The following RORB variants were observed in gnomAD, a reference collection of about 807,000 sequenced individuals.
RORB encodes the protein RAR related orphan receptor B, also known as nuclear receptor ROR-beta.
Under a neutral mutation model 59.1 loss-of-function variants are expected in RORB, and 6 were observed. The observed-to-expected ratio is 0.10, with a 90% CI of 0.06 to 0.20. The LOEUF is 0.20. Among genes scored for constraint, RORB ranks in the 10% least tolerant of loss-of-function variants. The pLI is 1.00. For synonymous variants in RORB, 215 were observed against 204.5 expected (o/e 1.05, Z -0.44); for missense variants, 320 against 560.5 (o/e 0.57, Z 4.33).
chr9:74,536,350 AGAG>A (rs1826322305), intron 1 of RORB, among the ~76,000 whole-genome samples: 2 of 151,928 alleles, frequency 1.3e-5, no homozygotes, highest in Non-Finnish European at 2.9e-5. Context: ...AGGTAGTAGA[AGAG>A]GAAGAGGAGA....
chr9:74,665,698 C>A, intron 7 of RORB, 103 bp downstream of exon 7: 1 of 751,554 alleles, frequency 1.3e-6, no homozygotes, highest in Non-Finnish European at 2.3e-6. Flanking sequence ...TGATGTGAAC[C>A]AGTATCTCAT....
intron 9 of RORB, among the ~76,000 whole-genome samples, chr9:74,680,359 C>T (rs1824527513): frequency 6.6e-6 from 1 of 152,138 alleles, no homozygotes; most frequent in Non-Finnish European, 1.5e-5. Flanking sequence ...TACCAGTTTT[C>T]TGTGCTTCCC....
At chr9:74,634,078 TAA>T (rs57659935) in intron 2 of RORB, among the ~76,000 whole-genome samples, 11 of 141,596 alleles carry the variant, frequency 7.8e-5, no homozygotes, top group East Asian at 2.0e-4. Flanking sequence ...CTCAAAAAGT[TAA>T]AAAAAAAAAA....
intron 9 of RORB, among the ~76,000 whole-genome samples, chr9:74,683,320 A>G (rs1390930969): frequency 1.3e-5 from 2 of 152,012 alleles, no homozygotes; most frequent in Non-Finnish European, 2.9e-5. Flanking sequence ...AGTTTGAATA[A>G]TTTCCCAAGC....
chr9:74,565,106 C>T (rs747783283), intron 1 of RORB, among the ~76,000 whole-genome samples: 1 of 152,156 alleles, frequency 6.6e-6, no homozygotes, highest in African/African-American at 2.4e-5. Context: ...TGTTACATCT[C>T]TGTCAGTGGT....
intron 3 of RORB, among the ~76,000 whole-genome samples, chr9:74,636,698 A>G (rs996580227): frequency 1.3e-5 from 2 of 152,080 alleles, no homozygotes; most frequent in East Asian, 3.9e-4. Flanking sequence ...TGCCGGGGAC[A>G]TCTTCAAAAA....
chr9:74,515,578 TAAA>T (rs1825997633), intron 1 of RORB, among the ~76,000 whole-genome samples: 7 of 152,034 alleles, frequency 4.6e-5, no homozygotes. Flanking sequence ...TCCAAGAATC[TAAA>T]ATAGCTGAGT....
intron 1 of RORB, among the ~76,000 whole-genome samples, chr9:74,619,683 C>T (rs1027362575): frequency 1.2e-4 from 19 of 152,128 alleles, no homozygotes; most frequent in African/African-American, 4.6e-4. Flanking sequence ...TACTCCTGAC[C>T]TCATGATCTG....
chr9:74,607,254 T>C (rs1823162757), intron 1 of RORB, among the ~76,000 whole-genome samples: 1 of 152,196 alleles, frequency 6.6e-6, no homozygotes, highest in Non-Finnish European at 1.5e-5. Flanking sequence ...GATTCTTATG[T>C]TATCAATTTC....
At chr9:74,552,284 T>C (rs1826623376) in intron 1 of RORB, among the ~76,000 whole-genome samples, 2 of 152,096 alleles carry the variant, frequency 1.3e-5, no homozygotes, top group Non-Finnish European at 2.9e-5. Context: ...ATATGTTTTG[T>C]GGGGAGGATT....
chr9:74,602,160 C>T (rs1377974003), intron 1 of RORB, among the ~76,000 whole-genome samples: 1 of 152,140 alleles, frequency 6.6e-6, no homozygotes, highest in Non-Finnish European at 1.5e-5. Flanking sequence ...GCAACCTTCA[C>T]GCACTGTCTC....
At chr9:74,638,247 G>A (rs1276392694) in intron 3 of RORB, among the ~76,000 whole-genome samples, 1 of 152,172 alleles carries the variant, frequency 6.6e-6, no homozygotes, top group African/African-American at 2.4e-5. Flanking sequence ...CATGTGCTAT[G>A]TTAATAGAAA....
At chr9:74,502,304 T>C (rs1228484524) in intron 1 of RORB, among the ~76,000 whole-genome samples, 2 of 152,134 alleles carry the variant, frequency 1.3e-5, no homozygotes, top group Non-Finnish European at 2.9e-5. Context: ...CTCATAATAA[T>C]ACCTACTTTT....
chr9:74,643,753 G>T (rs1403779933), intron 4 of RORB, among the ~76,000 whole-genome samples: 1 of 152,190 alleles, frequency 6.6e-6, no homozygotes, highest in Non-Finnish European at 1.5e-5. Context: ...TAGAGCTCAG[G>T]AACCTTCAAG....
Position 74,675,139 on chromosome 9 carries a change from T to C in RORB, c.1224+3238T>C, listed in dbSNP as rs142390203. Among the ~76,000 whole-genome samples the C allele has an allele frequency of 4.1e-3, 622 of 151,802 alleles. 4 individuals carry two copies. Among genetic ancestry groups the C allele is most frequent in the African/African-American group, 0.014 (566 of 41,368 alleles). On this transcript the variant is annotated intron_variant, in intron 9 of 9. Transcript: ENST00000376896. ...ATTTCAAAAGATGGAAGTTGGGAGG[T>C]TGAAGAAGTGCAGGATGGCATTCCA...
At chr9:74,499,305 C>T (rs953608354) in intron 1 of RORB, among the ~76,000 whole-genome samples, 6 of 152,156 alleles carry the variant, frequency 3.9e-5, no homozygotes, top group Non-Finnish European at 5.9e-5. Flanking sequence ...TGAAAGTGAT[C>T]CTCTCCCACC....
intron 1 of RORB, 36 bp from the exon 2 acceptor site, chr9:74,630,246 A>T (rs2146777): frequency 0.99 from 1,592,215 of 1,608,862 alleles, 789,044 homozygotes; most frequent in East Asian, 1. Context: ...GAAAGAAAAC[A>T]TCTGTATGCT....
intron 1 of RORB, among the ~76,000 whole-genome samples, chr9:74,581,905 A>G (rs1342192633): frequency 2.0e-5 from 3 of 152,232 alleles, no homozygotes; most frequent in Non-Finnish European, 4.4e-5. Flanking sequence ...ATACATGTGT[A>G]GATGATTATT....
rs1824703086 is a variant in RORB, at chr9:74,689,494, C to A, written c.*3876C>A. The stretch of plus-strand genomic sequence containing the variant: ...CCTTTCTGAATTTCCCTTGTTTTAG[C>A]ACTGTGTTCAGGGCTCTGGACTAAA... On this transcript the variant is annotated 3_prime_UTR_variant, in exon 10 of 10. Coordinates refer to ENST00000376896, the MANE Select transcript of RORB (RefSeq NM_006914.4). The A allele has an allele frequency of 1.3e-5, 2 of 152,202 alleles. No individual in the cohort carries two copies. Among genetic ancestry groups the A allele is most frequent in the Admixed American group, 1.3e-4 (2 of 15,278 alleles). 9.4% of individuals were successfully genotyped at this position (152,202 alleles called of 1,614,324 possible).
Sources: gnomAD v4.1 joint callset for allele counts (sites outside exome capture counted in the v4.1 genomes callset) on GRCh38, gnomAD v4.1.1 for gene constraint, MANE v1.5 for transcripts, NCBI Gene and HGNC (gene_info 2026-07-23, HGNC 2026-07-21) for gene names.